Variants in EPM2A observed in about 807,000 individuals in gnomAD.
EPM2A encodes laforin.
A neutral mutation model predicts 26.5 loss-of-function variants in EPM2A; 21 were observed. That is an observed-to-expected ratio of 0.79 (90% CI 0.56 to 1.14). EPM2A has a LOEUF of 1.14. Ranked by LOEUF, EPM2A falls within the 50% of genes most tolerant of loss-of-function variation. The pLI, the probability that EPM2A is intolerant of heterozygous loss-of-function variation, is 0.00. For synonymous variants in EPM2A, 217 were observed against 177.6 expected, an observed-to-expected ratio of 1.22 and a Z score of -1.76; for missense variants, 458 against 440.8, an observed-to-expected ratio of 1.04 and a Z score of -0.35.
At chr6:145,431,631 C>A (rs576269636) in intron 4 of EPM2A, among the ~76,000 whole-genome samples, 1 of 152,118 alleles carries the variant, frequency 6.6e-6, no homozygotes, top group Non-Finnish European at 1.5e-5. Context: ...CAGGCTTCAG[C>A]GAGTAGTAAT....
intron 1 of EPM2A, among the ~76,000 whole-genome samples, chr6:145,725,995 C>T (rs760292063): frequency 1.7e-4 from 26 of 152,194 alleles, no homozygotes; most frequent in Middle Eastern, 3.4e-3. Context: ...AAGAGGCACA[C>T]TCACTGCCCA....
chr6:145,397,443 T>C (rs1778420634), intron 4 of EPM2A, among the ~76,000 whole-genome samples: 1 of 151,634 alleles, frequency 6.6e-6, no homozygotes, highest in Admixed American at 6.6e-5. Context: ...CCTTAAAAAA[T>C]AAAAAAGGGG....
intron 4 of EPM2A, among the ~76,000 whole-genome samples, chr6:145,441,125 G>C (rs1468244866): frequency 6.6e-6 from 1 of 152,232 alleles, no homozygotes; most frequent in African/African-American, 2.4e-5. Flanking sequence ...CTGAAATCTA[G>C]ACGGAAGTTC....
chr6:145,601,249 C>A (rs1482514945), intron 2 of EPM2A, among the ~76,000 whole-genome samples: 1 of 152,282 alleles, frequency 6.6e-6, no homozygotes, highest in East Asian at 1.9e-4. Flanking sequence ...TATCTACAGA[C>A]CTATGGTGAC....
chr6:145,461,327 G>T (rs796619378), intron 4 of EPM2A, among the ~76,000 whole-genome samples: 10 of 152,296 alleles, frequency 6.6e-5, no homozygotes, highest in African/African-American at 2.4e-4. Context: ...ATACAGTCAG[G>T]ATTGGAGAAT....
chr6:145,677,005 C>T (rs1277313421), intron 2 of EPM2A, among the ~76,000 whole-genome samples: 1 of 152,120 alleles, frequency 6.6e-6, no homozygotes, highest in South Asian at 2.1e-4. Flanking sequence ...GACCAATATC[C>T]CTGATGAACA....
chr6:145,455,565 C>T (rs1204422850), intron 4 of EPM2A, among the ~76,000 whole-genome samples: 3 of 152,106 alleles, frequency 2.0e-5, no homozygotes, highest in African/African-American at 7.2e-5. Context: ...ACCATGTTGG[C>T]CAGGCTGGTC....
In EPM2A at chr6:145,563,473, A is replaced by G. The variant is rs563701398; in HGVS notation, c.341-60898T>C. 3.3e-5 allele frequency among the ~76,000 whole-genome samples: 5 copies of G among 151,974 alleles called. No individual in the cohort carries two copies. The South Asian group carries it at 1.0e-3, about 32-fold the overall frequency. ...CAAGCAGAGGAAGATGCGGTTAGAGAGGCCAGAGCATGCAGGGCTCACTGA... is the reference window on the plus strand; with the variant it reads ...CAAGCAGAGGAAGATGCGGTTAGAGGGGCCAGAGCATGCAGGGCTCACTGA... On this transcript the variant is annotated intron_variant, in intron 2 of 3. Transcript: ENST00000450221.
At chr6:145,527,309 G>A (rs975146266) in intron 2 of EPM2A, among the ~76,000 whole-genome samples, 1 of 152,022 alleles carries the variant, frequency 6.6e-6, no homozygotes, top group African/African-American at 2.4e-5. Context: ...AGTTTAATTG[G>A]TCAAATGGTG....
chr6:145,623,049 A>G (rs1456662785), downstream of EPM2A, among the ~76,000 whole-genome samples: 1 of 152,224 alleles, frequency 6.6e-6, no homozygotes, highest in Non-Finnish European at 1.5e-5. Context: ...ATACATGTGA[A>G]GCACTTAGAC....
At chr6:145,451,011 G>T (rs1207251168) in intron 4 of EPM2A, among the ~76,000 whole-genome samples, 1 of 151,970 alleles carries the variant, frequency 6.6e-6, no homozygotes, top group African/African-American at 2.4e-5. Flanking sequence ...TTAGGTGTTT[G>T]CTTGGCAGAC....
intron 2 of EPM2A, among the ~76,000 whole-genome samples, chr6:145,528,706 C>T (rs1457010101): frequency 6.6e-6 from 1 of 152,136 alleles, no homozygotes; most frequent in African/African-American, 2.4e-5. Flanking sequence ...TGTCTGCACA[C>T]ACATCTATTC....
At chr6:145,677,604 G>C (rs186699912) in intron 2 of EPM2A, among the ~76,000 whole-genome samples, 1 of 152,098 alleles carries the variant, frequency 6.6e-6, no homozygotes, top group Non-Finnish European at 1.5e-5. Flanking sequence ...CAAAATCAAA[G>C]TGCAAAAATC....
At chr6:145,665,432 T>A (rs1025073177) in intron 2 of EPM2A, among the ~76,000 whole-genome samples, 10 of 101,822 alleles carry the variant, frequency 9.8e-5, no homozygotes, top group African/African-American at 4.2e-4. Flanking sequence ...GATACATTCC[T>A]CGACACATAC....
chr6:145,592,283 A>T (rs12201226), intron 2 of EPM2A, among the ~76,000 whole-genome samples: 40,421 of 151,096 alleles, frequency 0.27, 5,864 homozygotes, highest in South Asian at 0.4. Context: ...TCCTTGCCAT[A>T]GTCTGCTCAG....
rs78818967 is a variant in EPM2A, at chr6:145,608,995, T to G, written c.340+26250A>C. Among the ~76,000 whole-genome samples, 1,155 of 152,318 alleles carry G rather than the reference T, an allele frequency of 7.6e-3. 18 individuals carry two copies. The highest frequency in any genetic ancestry group is 0.026 in the African/African-American group (1,095 of 41,568). Reference sequence around the variant, plus strand: ...ATCATAGTCACAAGAATGCTTGTCTTTAATGTATTTGGCTAAGACATCATC... The same window carrying G: ...ATCATAGTCACAAGAATGCTTGTCTGTAATGTATTTGGCTAAGACATCATC... On this transcript the variant is annotated intron_variant, in intron 2 of 3. Coordinates refer to the EPM2A transcript ENST00000450221.
intron 1 of EPM2A, among the ~76,000 whole-genome samples, chr6:145,705,364 T>C (rs953745737): frequency 2.6e-5 from 4 of 152,018 alleles, no homozygotes; most frequent in African/African-American, 9.7e-5. Flanking sequence ...TATATAGAGA[T>C]AGATAGATAT....
At chr6:145,449,838 T>G (rs1251462881) in intron 4 of EPM2A, among the ~76,000 whole-genome samples, 1 of 139,572 alleles carries the variant, frequency 7.2e-6, no homozygotes, top group Non-Finnish European at 1.6e-5. Context: ...AAAGCCCTGT[T>G]AATTCACTAT....
intron 4 of EPM2A, among the ~76,000 whole-genome samples, chr6:145,475,330 G>A (rs1038916046): frequency 9.2e-5 from 14 of 152,088 alleles, no homozygotes; most frequent in African/African-American, 3.4e-4. Flanking sequence ...CATGGGTGAA[G>A]CTGGAAACCA....
Sources: gnomAD v4.1 joint callset for allele counts (sites outside exome capture counted in the v4.1 genomes callset) on GRCh38, gnomAD v4.1.1 for gene constraint, MANE v1.5 for transcripts, NCBI Gene and HGNC (gene_info 2026-07-23, HGNC 2026-07-21) for gene names.